SPOCK3: variants seen among roughly 807,000 people sequenced by gnomAD.
The protein encoded by SPOCK3 is SPARC (osteonectin), cwcv and kazal like domains proteoglycan 3, also known as testican-3.
In SPOCK3, 30 loss-of-function variants were observed where a neutral mutation model predicts 56.6. That is an observed-to-expected ratio of 0.53 (90% CI 0.40 to 0.72). The LOEUF (loss-of-function observed/expected upper bound fraction) is 0.72, where lower values mean the gene tolerates loss of function less well. Ranked by LOEUF, SPOCK3 falls within the 30% of genes least tolerant of loss-of-function variation. SPOCK3 has a pLI of 0.00. For missense variants in SPOCK3, 527 were observed against 530.0 expected, an observed-to-expected ratio of 0.99 and a Z score of 0.06; for synonymous variants, 196 against 183.3, an observed-to-expected ratio of 1.07 and a Z score of -0.56.
chr4:166,888,640 A>C (rs183447132), intron 6 of SPOCK3, among the ~76,000 whole-genome samples: 1 of 152,084 alleles, frequency 6.6e-6, no homozygotes, highest in East Asian at 1.9e-4. Context: ...CATCTGGTCA[A>C]AAAAAAGTTT....
chr4:166,868,288 AAAAG>A (rs1029864139), intron 6 of SPOCK3, among the ~76,000 whole-genome samples: 1 of 115,824 alleles, frequency 8.6e-6, no homozygotes, highest in Non-Finnish European at 2.0e-5. Context: ...TCTACAAAAA[AAAAG>A]AAAAGAAAAG....
chr4:167,098,967 T>C (rs576574126), intron 2 of SPOCK3, among the ~76,000 whole-genome samples: 1 of 152,144 alleles, frequency 6.6e-6, no homozygotes, highest in East Asian at 1.9e-4. Flanking sequence ...ATCTTATGAA[T>C]TATTTACTTT....
chr4:166,979,425 C>T (rs1209972782), intron 4 of SPOCK3, among the ~76,000 whole-genome samples: 2 of 152,186 alleles, frequency 1.3e-5, no homozygotes, highest in Non-Finnish European at 2.9e-5. Context: ...GAGACATTTC[C>T]ATTGTTTTTT....
chr4:167,145,197 T>C (rs1763843041), intron 2 of SPOCK3, among the ~76,000 whole-genome samples: 1 of 152,040 alleles, frequency 6.6e-6, no homozygotes. Context: ...ATTTTGTTTG[T>C]TTCATTTGAA....
intron 6 of SPOCK3, among the ~76,000 whole-genome samples, chr4:166,858,013 T>G (rs1007744174): frequency 6.6e-6 from 1 of 152,340 alleles, no homozygotes; most frequent in East Asian, 1.9e-4. Flanking sequence ...ATTCTAACAT[T>G]AACAAAGCTG....
intron 2 of SPOCK3, among the ~76,000 whole-genome samples, chr4:167,231,981 G>A (rs2111182585): frequency 6.6e-6 from 1 of 152,194 alleles, no homozygotes; most frequent in Non-Finnish European, 1.5e-5. Flanking sequence ...TGCATAAAAT[G>A]TATCAGTAAA....
intron 6 of SPOCK3, among the ~76,000 whole-genome samples, chr4:166,804,558 G>A (rs1441511529): frequency 6.6e-6 from 1 of 152,102 alleles, no homozygotes; most frequent in Non-Finnish European, 1.5e-5. Context: ...AACTTGCATT[G>A]TGAACATTAA....
chr4:167,005,265 A>G, intron 3 of SPOCK3, among the ~76,000 whole-genome samples: 1 of 151,344 alleles, frequency 6.6e-6, no homozygotes, highest in East Asian at 2.0e-4. Flanking sequence ...GCTGGAGTGC[A>G]GTGGTGCGAT....
intron 5 of SPOCK3, among the ~76,000 whole-genome samples, chr4:166,893,599 G>A (rs939610990): frequency 1.3e-5 from 2 of 152,094 alleles, no homozygotes; most frequent in African/African-American, 2.4e-5. Context: ...ATATAGGGCT[G>A]AAATGGGATT....
Position 166,935,399 on chromosome 4 carries a change from C to T in SPOCK3, c.351-22656G>A, listed in dbSNP as rs145481398. 1.2e-3 allele frequency among the ~76,000 whole-genome samples: 177 copies of T among 152,308 alleles called. 1 individual carries two copies. The highest frequency in any genetic ancestry group is 2.2e-3 in the Non-Finnish European group (151 of 68,034). On this transcript the variant is annotated intron_variant, in intron 4 of 10. Coordinates refer to ENST00000357545, the MANE Select transcript of SPOCK3 (RefSeq NM_001040159.2). ...CAGCATGAGTACTGTGCCCATGGAACTTTGGGACATGGGGAACCAACACAA... is the reference window on the plus strand; with the variant it reads ...CAGCATGAGTACTGTGCCCATGGAATTTTGGGACATGGGGAACCAACACAA...
At chr4:166,951,709 C>A (rs1166900975) in intron 4 of SPOCK3, among the ~76,000 whole-genome samples, 1 of 143,232 alleles carries the variant, frequency 7.0e-6, no homozygotes, top group Non-Finnish European at 1.5e-5. Flanking sequence ...CTGAATCCAG[C>A]AGCACATCAA....
chr4:166,931,262 G>A (rs960267031), intron 4 of SPOCK3, among the ~76,000 whole-genome samples: 5 of 151,486 alleles, frequency 3.3e-5, no homozygotes, highest in East Asian at 2.0e-4. Flanking sequence ...GATTTCAGGC[G>A]TGAGCCACCG....
intron 2 of SPOCK3, among the ~76,000 whole-genome samples, chr4:167,128,115 G>T (rs117439862): frequency 6.6e-6 from 1 of 152,012 alleles, no homozygotes; most frequent in Non-Finnish European, 1.5e-5. Context: ...AGATAAAATT[G>T]TTCAAGCTTC....
At chr4:166,925,878 G>A (rs1265013284) in intron 4 of SPOCK3, among the ~76,000 whole-genome samples, 1 of 152,156 alleles carries the variant, frequency 6.6e-6, no homozygotes, top group African/African-American at 2.4e-5. Context: ...GAAAACTCAT[G>A]GAGCCACATG....
chr4:166,989,582 T>A (rs957305946), intron 4 of SPOCK3, among the ~76,000 whole-genome samples: 2 of 152,146 alleles, frequency 1.3e-5, no homozygotes, highest in African/African-American at 4.8e-5. Context: ...TTAGGGCATA[T>A]CCACAGCTAG....
chr4:167,190,462 T>G (rs1732380912), intron 2 of SPOCK3, among the ~76,000 whole-genome samples: 1 of 146,450 alleles, frequency 6.8e-6, no homozygotes, highest in Non-Finnish European at 1.5e-5. Flanking sequence ...TTGAATTGTA[T>G]TTTATTTGTT....
chr4:166,895,553 A>G (rs917791547), intron 5 of SPOCK3, among the ~76,000 whole-genome samples: 1 of 152,192 alleles, frequency 6.6e-6, no homozygotes, highest in African/African-American at 2.4e-5. Flanking sequence ...TGGTTACCCA[A>G]ACATAAAAAT....
intron 6 of SPOCK3, among the ~76,000 whole-genome samples, chr4:166,816,523 G>T (rs1009746757): frequency 1.3e-5 from 2 of 151,994 alleles, no homozygotes; most frequent in East Asian, 1.9e-4. Flanking sequence ...ATGCAATTTT[G>T]CAGTCTGCCA....
intron 2 of SPOCK3, among the ~76,000 whole-genome samples, chr4:167,094,402 T>C (rs1198801143): frequency 6.6e-6 from 1 of 152,016 alleles, no homozygotes; most frequent in African/African-American, 2.4e-5. Context: ...ATCAACAACA[T>C]ATAAAATAAG....
Sources: gnomAD v4.1 joint callset for allele counts (sites outside exome capture counted in the v4.1 genomes callset) on GRCh38, gnomAD v4.1.1 for gene constraint, MANE v1.5 for transcripts, NCBI Gene and HGNC (gene_info 2026-07-23, HGNC 2026-07-21) for gene names.